Variants in SLC2A14 observed in about 807,000 individuals in gnomAD.
SLC2A14 encodes the protein solute carrier family 2, facilitated glucose transporter member 14.
In SLC2A14, 13 loss-of-function variants were observed where a neutral mutation model predicts 43.0. The observed-to-expected ratio is 0.30, with a 90% CI of 0.20 to 0.48. The LOEUF is 0.48. Among genes scored for constraint, SLC2A14 ranks in the 20% least tolerant of loss-of-function variants. The probability of loss-of-function intolerance (pLI) is 0.99; values close to 1 mark genes in which losing one functional copy is unlikely to be tolerated. For synonymous variants in SLC2A14, 190 were observed against 233.8 expected, an observed-to-expected ratio of 0.81 and a Z score of 1.71; for missense variants, 428 against 620.4, an observed-to-expected ratio of 0.69 and a Z score of 3.29.
intron 2 of SLC2A14, among the ~76,000 whole-genome samples, chr12:7,840,610 T>C (rs1446321509): frequency 2.6e-5 from 4 of 152,110 alleles, no homozygotes; most frequent in African/African-American, 9.7e-5. Context: ...GGTCTCAAAC[T>C]CCTAACCTCA....
intron 6 of SLC2A14, among the ~76,000 whole-genome samples, chr12:7,827,993 G>A (rs774296299): frequency 6.6e-6 from 1 of 151,500 alleles, no homozygotes; most frequent in East Asian, 2.0e-4. Context: ...CAAATTAGTC[G>A]CTGCTTTGTC....
intron 5 of SLC2A14, 94 bp from the exon 6 acceptor site, chr12:7,828,960 C>T (rs745505219): frequency 1.5e-5 from 22 of 1,466,784 alleles, no homozygotes; most frequent in Middle Eastern, 1.9e-4. Context: ...CAGTAGCTTA[C>T]GCCTGTAATT....
intron 4 of SLC2A14, among the ~76,000 whole-genome samples, chr12:7,830,803 G>T (rs1455695835): frequency 6.6e-6 from 1 of 152,066 alleles, no homozygotes; most frequent in Non-Finnish European, 1.5e-5. Context: ...TTCTAAAATA[G>T]ATTACTAAGC....
chr12:7,826,872 TC>T (rs778854040), intron 7 of SLC2A14, among the ~76,000 whole-genome samples: 8,323 of 64,158 alleles, frequency 0.13, 1,210 homozygotes, highest in African/African-American at 0.14. Flanking sequence ...TTTCTTTCTT[TC>T]TTTCTTTCTT....
chr12:7,870,125 T>C (rs1439790150), intron 1 of SLC2A14, among the ~76,000 whole-genome samples, 188 bp from the exon 2 acceptor site: 3 of 152,150 alleles, frequency 2.0e-5, no homozygotes, highest in African/African-American at 7.2e-5. Context: ...CAAAGTTTAT[T>C]CTACTCATTC....
chr12:7,863,823 C>T (rs200587278), intron 2 of SLC2A14, among the ~76,000 whole-genome samples: 1 of 131,520 alleles, frequency 7.6e-6, no homozygotes, highest in Non-Finnish European at 1.7e-5. Flanking sequence ...TTCTTTTTTT[C>T]TTTTTTTTTT....
intron 2 of SLC2A14, among the ~76,000 whole-genome samples, chr12:7,833,268 G>A (rs1209494344): frequency 6.6e-6 from 1 of 152,160 alleles, no homozygotes; most frequent in Non-Finnish European, 1.5e-5. Flanking sequence ...GGTGGTGGTA[G>A]GGGGAGGTGG....
At chr12:7,852,461 T>C (rs934932558) in intron 2 of SLC2A14, among the ~76,000 whole-genome samples, 1 of 152,156 alleles carries the variant, frequency 6.6e-6, no homozygotes, top group African/African-American at 2.4e-5. Context: ...AGTGATTAGT[T>C]GGAAGTAGAA....
At chr12:7,830,074 A>G in intron 4 of SLC2A14, 68 bp from the exon 5 acceptor site, 1 of 1,593,228 alleles carries the variant, frequency 6.3e-7, no homozygotes, top group Non-Finnish European at 8.6e-7. Flanking sequence ...CCTCTTCTGT[A>G]CTCATTATTC....
chr12:7,875,012 A>ATTT (rs1432791304), upstream of SLC2A14, among the ~76,000 whole-genome samples: 60 of 108,076 alleles, frequency 5.6e-4, 4 homozygotes, highest in South Asian at 1.3e-3. Flanking sequence ...ATACATATAT[A>ATTT]AAAATTATAT....
intron 9 of SLC2A14, 126 bp from the exon 10 acceptor site, chr12:7,818,160 T>C: frequency 2.4e-6 from 2 of 828,308 alleles, no homozygotes; most frequent in Non-Finnish European, 3.7e-6. Flanking sequence ...GGCTGTGGAA[T>C]CAAAAGGCTT....
At chr12:7,885,870 A>G (rs1175310260) in intron 1 of SLC2A14, among the ~76,000 whole-genome samples, 1 of 152,056 alleles carries the variant, frequency 6.6e-6, no homozygotes, top group Admixed American at 6.6e-5. Flanking sequence ...ATTTCTTCTC[A>G]TGGTAAGGTC....
At chr12:7,839,512 C>T (rs529024341) in intron 2 of SLC2A14, among the ~76,000 whole-genome samples, 214 of 151,892 alleles carry the variant, frequency 1.4e-3, no homozygotes, top group African/African-American at 4.2e-3. Context: ...GTTTATATTC[C>T]GAATGTGACA....
chr12:7,841,259 CATT>C (rs1301000340), intron 2 of SLC2A14, among the ~76,000 whole-genome samples: 2 of 151,950 alleles, frequency 1.3e-5, no homozygotes, highest in Middle Eastern at 3.2e-3. Context: ...ATATTATTAT[CATT>C]ATTATTTATT....
At chr12:7,889,971 T>C (rs2121131834) in intron 1 of SLC2A14, among the ~76,000 whole-genome samples, 1 of 152,156 alleles carries the variant, frequency 6.6e-6, no homozygotes, top group South Asian at 2.1e-4. Context: ...CTGATGGGAG[T>C]GTAGCAGTGA....
At chr12:7,856,990 G>A (rs755669172) in intron 2 of SLC2A14, among the ~76,000 whole-genome samples, 21 of 152,010 alleles carry the variant, frequency 1.4e-4, no homozygotes, top group Non-Finnish European at 2.6e-4. Context: ...GGTGGCTCAC[G>A]CCTGTAATCC....
intron 2 of SLC2A14, among the ~76,000 whole-genome samples, chr12:7,841,406 A>G (rs1236463054): frequency 6.6e-6 from 1 of 151,956 alleles, no homozygotes; most frequent in Non-Finnish European, 1.5e-5. Flanking sequence ...GATTACAGGC[A>G]CCCATCACCA....
At chr12:7,863,598 G>A in intron 2 of SLC2A14, 1 of 281,790 alleles carries the variant, frequency 3.5e-6, no homozygotes, top group Non-Finnish European at 7.1e-6. Context: ...CTCCCGCCTG[G>A]GTGACAGAGT....
intron 2 of SLC2A14, among the ~76,000 whole-genome samples, chr12:7,868,784 G>T (rs1239655362): frequency 6.6e-6 from 1 of 152,094 alleles, no homozygotes; most frequent in Non-Finnish European, 1.5e-5. Context: ...GAGGCAGGTG[G>T]ATCACCAGAG....
Sources: gnomAD v4.1 joint callset for allele counts (sites outside exome capture counted in the v4.1 genomes callset) on GRCh38, gnomAD v4.1.1 for gene constraint, MANE v1.5 for transcripts, NCBI Gene and HGNC (gene_info 2026-07-23, HGNC 2026-07-21) for gene names.